The following MMP26 variants were observed in gnomAD, a reference collection of about 807,000 sequenced individuals.
The protein encoded by MMP26 is matrix metallopeptidase 26, also known as matrix metalloproteinase-26.
In MMP26, 33 loss-of-function variants were observed where a neutral mutation model predicts 31.0. The observed-to-expected ratio is 1.06, with a 90% confidence interval of 0.81 to 1.42. The LOEUF is 1.42. Ranked by LOEUF, MMP26 falls within the 40% of genes most tolerant of loss-of-function variation. MMP26 has a pLI of 0.00. For synonymous variants in MMP26, 122 were observed against 114.9 expected, an observed-to-expected ratio of 1.06 and a Z score of -0.40; for missense variants, 347 against 316.1, an observed-to-expected ratio of 1.10 and a Z score of -0.74.
chr11:4,876,793 C>A (rs1481142864), intron 2 of MMP26: 1 of 152,760 alleles, frequency 6.5e-6, no homozygotes, highest in African/African-American at 2.4e-5. Context: ...TCACTGTCTT[C>A]CATGCCTACC....
intron 2 of MMP26, among the ~76,000 whole-genome samples, chr11:4,843,193 A>G (rs888807856): frequency 9.8e-5 from 15 of 152,306 alleles, no homozygotes; most frequent in Admixed American, 4.6e-4. Context: ...TGGATCTGCC[A>G]TTCTGGAGTA....
Position 4,747,665 on chromosome 11 carries a change from T to C in MMP26, c.-216-19605T>C, listed in dbSNP as rs373466733. Among the ~76,000 whole-genome samples, 57 of 152,178 alleles carry C rather than the reference T, an allele frequency of 3.7e-4. 2 individuals carry two copies. In the East Asian group the frequency reaches 7.0e-3, roughly 19 times the overall value. The stretch of plus-strand genomic sequence containing the variant: ...AAACAGAAGGAGGAAAAAGGTAAGA[T>C]TGGAGACCTAGAGAACTCTAAGGAA... On this transcript the variant is annotated intron_variant, in intron 1 of 7. Coordinates refer to ENST00000380390, the MANE Select transcript of MMP26 (RefSeq NM_021801.5).
chr11:4,914,844 G>T, intron 2 of MMP26: 2 of 1,614,004 alleles, frequency 1.2e-6, no homozygotes, highest in Non-Finnish European at 1.7e-6. Flanking sequence ...ACCAGGTGGG[G>T]TGCCTGCTTT....
intron 1 of MMP26, among the ~76,000 whole-genome samples, chr11:4,724,334 G>A (rs1284859391): frequency 6.6e-6 from 1 of 152,194 alleles, no homozygotes; most frequent in Non-Finnish European, 1.5e-5. Context: ...AGAAGTGGAA[G>A]ATGGGGTGGA....
At chr11:4,839,518 G>A (rs1360380341) in intron 2 of MMP26, among the ~76,000 whole-genome samples, 3 of 151,212 alleles carry the variant, frequency 2.0e-5, no homozygotes, top group East Asian at 2.0e-4. Flanking sequence ...AGAATAGAGC[G>A]CCAGTCAGAG....
chr11:4,845,081 A>G (rs1281345605), intron 2 of MMP26, among the ~76,000 whole-genome samples: 1 of 152,150 alleles, frequency 6.6e-6, no homozygotes, highest in African/African-American at 2.4e-5. Context: ...GCATACAAAA[A>G]TCAGTAGCAT....
intron 2 of MMP26, among the ~76,000 whole-genome samples, chr11:4,964,839 T>C (rs1846567832): frequency 6.6e-6 from 1 of 152,140 alleles, no homozygotes. Context: ...ATACTTTGTG[T>C]TCTCATTTAT....
intron 1 of MMP26, among the ~76,000 whole-genome samples, chr11:4,722,568 G>A (rs1184984627): frequency 2.7e-5 from 4 of 150,124 alleles, no homozygotes; most frequent in Non-Finnish European, 5.9e-5. Flanking sequence ...CTGGAGGCAC[G>A]GGCAAGGGGT....
intron 2 of MMP26, among the ~76,000 whole-genome samples, chr11:4,797,741 C>T (rs962587953): frequency 1.3e-5 from 2 of 152,170 alleles, no homozygotes; most frequent in Admixed American, 6.5e-5. Context: ...TACAGTTTTG[C>T]ACGACTCCAG....
At position 4,887,502 on chromosome 11, in the gene MMP26, A is replaced by G. The variant is rs1850560352; in HGVS notation, c.-144-100566A>G. The stretch of plus-strand genomic sequence containing the variant: ...AACTAAAAACTTTGTTGTTTCTTTC[A>G]TGAAAATATGTTTCCATTTTCTTGA... On this transcript the variant is annotated intron_variant, in intron 2 of 7. Coordinates refer to ENST00000380390, the MANE Select transcript of MMP26 (RefSeq NM_021801.5). Among the ~76,000 whole-genome samples the G allele has an allele frequency of 1.3e-5, 2 of 152,140 alleles. 1 individual carries two copies.
chr11:4,930,229 G>C (rs983315580), intron 2 of MMP26, among the ~76,000 whole-genome samples: 1 of 151,948 alleles, frequency 6.6e-6, no homozygotes, highest in African/African-American at 2.4e-5. Flanking sequence ...GTACTACTTG[G>C]TAAATCAGTC....
chr11:4,781,872 C>T (rs1848869116), intron 2 of MMP26, among the ~76,000 whole-genome samples: 1 of 152,086 alleles, frequency 6.6e-6, no homozygotes, highest in African/African-American at 2.4e-5. Context: ...AGGGGAAACC[C>T]TTTTTGTTTG....
intron 2 of MMP26, chr11:4,860,303 A>G: frequency 2.1e-6 from 1 of 471,424 alleles, no homozygotes; most frequent in Middle Eastern, 3.3e-4. Context: ...GCATTAAACC[A>G]GTAGATGCTG....
At chr11:4,934,014 A>C (rs1419340521) in intron 2 of MMP26, among the ~76,000 whole-genome samples, 1 of 143,940 alleles carries the variant, frequency 6.9e-6, no homozygotes, top group Non-Finnish European at 1.5e-5. Flanking sequence ...TGCTATTGTG[A>C]ATAATGCCGC....
intron 2 of MMP26, among the ~76,000 whole-genome samples, chr11:4,829,806 T>C (rs1430069018): frequency 6.6e-6 from 1 of 152,218 alleles, no homozygotes; most frequent in Non-Finnish European, 1.5e-5. Context: ...CAAGTCTGCC[T>C]GTCTCTGACC....
chr11:4,927,096 C>G (rs57951762), intron 2 of MMP26, among the ~76,000 whole-genome samples: 1 of 152,016 alleles, frequency 6.6e-6, no homozygotes. Context: ...GAATGTCATC[C>G]TAGGGTTTAT....
chr11:4,750,386 G>A (rs1472594188), intron 1 of MMP26, among the ~76,000 whole-genome samples: 6 of 152,036 alleles, frequency 3.9e-5, no homozygotes, highest in Admixed American at 3.3e-4. Flanking sequence ...ACTAAAAATT[G>A]AACTACTATT....
chr11:4,915,947 C>G (rs1851082506), intron 2 of MMP26, among the ~76,000 whole-genome samples: 2 of 152,104 alleles, frequency 1.3e-5, no homozygotes, highest in Non-Finnish European at 1.5e-5. Flanking sequence ...AGCCGCTCCA[C>G]CCTTTTTGCT....
chr11:4,790,795 A>G (rs1329506485), intron 2 of MMP26, among the ~76,000 whole-genome samples: 1 of 152,186 alleles, frequency 6.6e-6, no homozygotes, highest in South Asian at 2.1e-4. Context: ...TAGGTTAACC[A>G]TGCCAACTCA....
Sources: allele counts gnomAD v4.1 joint callset (sites outside exome capture counted in the v4.1 genomes callset), GRCh38; gene constraint gnomAD v4.1.1; transcripts MANE v1.5; gene names NCBI Gene and HGNC (gene_info 2026-07-23, HGNC 2026-07-21).